UBR4: variants seen among roughly 807,000 people sequenced by gnomAD.
UBR4 encodes E3 ubiquitin-protein ligase UBR4.
Under a neutral mutation model 575.6 loss-of-function variants are expected in UBR4, and 124 were observed. The ratio of observed to expected loss-of-function variants is 0.22; its 90% CI spans 0.19 to 0.25. The LOEUF is 0.25. Among genes scored for constraint, UBR4 ranks in the 10% least tolerant of loss-of-function variants. The probability of loss-of-function intolerance (pLI) is 1.00; values close to 1 mark genes in which losing one functional copy is unlikely to be tolerated. For synonymous variants in UBR4, 2,455 were observed against 2,473.7 expected, an observed-to-expected ratio of 0.99 and a Z score of 0.22; for missense variants, 4,818 against 6,478.8, an observed-to-expected ratio of 0.74 and a Z score of 8.80.
chr1:19,153,910 G>A lies in UBR4; in HGVS notation c.6488C>T (p.Ala2163Val). Residue 2163 changes from alanine to valine, a missense_variant, in exon 45 of 106, where the codon GCT becomes GTT. Coordinates refer to ENST00000375254, the MANE Select transcript of UBR4 (RefSeq NM_020765.3). This position sits in a 1 kb window ranked among gnomAD's most constrained non-coding sequence, Gnocchi z 4.1. The part of the protein sequence containing the change: ...SSNGGSKTSP[A>V]LCQWSEVMNH... Reference sequence around the variant, plus strand: ...CATCACCTCAGACCACTGGCAAAGAGCAGGAGAAGTCTTACTGCCACCATT... The same window carrying A: ...CATCACCTCAGACCACTGGCAAAGAACAGGAGAAGTCTTACTGCCACCATT... 6.2e-7 allele frequency: 1 copy of A among 1,614,052 alleles called. No individual in the cohort carries two copies. Among genetic ancestry groups the A allele is most frequent in the Non-Finnish European group, 8.5e-7 (1 of 1,179,992 alleles).
At chr1:19,159,483 A>G (rs2086950762) in intron 39 of UBR4, among the ~76,000 whole-genome samples, 1 of 152,158 alleles carries the variant, frequency 6.6e-6, no homozygotes, top group Admixed American at 6.5e-5. Flanking sequence ...TTCTCTAACT[A>G]TTCTAATTGC....
chr1:19,185,500 T>C (rs138666581), intron 14 of UBR4, among the ~76,000 whole-genome samples: 259 of 151,844 alleles, frequency 1.7e-3, no homozygotes, highest in African/African-American at 5.6e-3. Context: ...AATGTTTGGA[T>C]AGATTCAACC....
rs772462401 is a variant in UBR4 at position 19,105,192 on chromosome 1, GCCA to G, written c.12504-6_12504-4del. On this transcript the variant is annotated splice_polypyrimidine_tract_variant and splice_region_variant and intron_variant, in intron 84 of 105. Coordinates refer to ENST00000375254, the MANE Select transcript of UBR4 (RefSeq NM_020765.3). Reference sequence around the variant, plus strand: ...CTATGCTCAGCTCATCCAGGTAACTGCCACCAAGAGGGACAGGGCACTCTAGTC... The same window carrying G: ...CTATGCTCAGCTCATCCAGGTAACTGCCAAGAGGGACAGGGCACTCTAGTC... The G allele has an allele frequency of 8.7e-6, 14 of 1,610,642 alleles. No individual in the cohort carries two copies. The African/African-American group carries it at 1.7e-4, about 20-fold the overall frequency.
At position 19,086,237 on chromosome 1, in the gene UBR4, G is replaced by T. The variant is rs373288538; in HGVS notation, c.14721C>A (p.Ala4907=). 1.2e-6 allele frequency: 2 copies of T among 1,609,324 alleles called. No individual in the cohort carries two copies. The highest frequency in any genetic ancestry group is 2.2e-5 in the South Asian group (2 of 90,968). ...LARGREEWES[A]ALQNANTKCN... ...ACTTGGTGTTGGCATTCTGCAGGGC[G>T]GCACTCTCCCACTCTTCCCGGCCTC... Residue 4907 remains alanine, a synonymous_variant, in exon 101 of 106, where the codon GCC becomes GCA. Coordinates refer to ENST00000375254, the MANE Select transcript of UBR4 (RefSeq NM_020765.3).
chr1:19,167,297 A>G, intron 28 of UBR4, 66 bp from the exon 29 acceptor site: 1 of 1,563,988 alleles, frequency 6.4e-7, no homozygotes, highest in East Asian at 2.3e-5. Context: ...AAGCAAGGAC[A>G]GGGTAATTCA....
In UBR4 at chr1:19,110,331, AC is replaced by A. The variant is rs1264355283; in HGVS notation, c.11977+48del. The A allele has an allele frequency of 6.2e-7, 1 of 1,613,642 alleles. No homozygotes were observed. Among genetic ancestry groups the A allele is most frequent in the East Asian group, 2.2e-5 (1 of 44,856 alleles). Reference sequence around the variant, plus strand: ...CTCCTCCCCTCCCAGTCCGGCCAGGACTGCTCCTTTGAGCCTCCTTTCCTTT... The same window carrying A: ...CTCCTCCCCTCCCAGTCCGGCCAGGATGCTCCTTTGAGCCTCCTTTCCTTT... On this transcript the variant is annotated intron_variant, in intron 80 of 105. Transcript: ENST00000375254. The surrounding 1 kb of genome is among the most constrained non-coding windows in gnomAD (Gnocchi z 4.5).
chr1:19,115,256 AC>A lies in UBR4; in HGVS notation c.11063+141del, dbSNP rs1289506183. 4.5e-4 allele frequency: 566 copies of A among 1,270,180 alleles called. 2 individuals carry two copies. Among genetic ancestry groups the A allele is most frequent in the Admixed American group, 1.6e-4 (6 of 37,128 alleles). The allele number at this position is 1,270,180 out of a possible 1,614,324, so 78.7% of individuals were successfully genotyped here. A position where few individuals can be genotyped will look rare whatever the true frequency, so the allele number is the denominator to read the frequency against. On this transcript the variant is annotated intron_variant, in intron 74 of 105. Transcript: ENST00000375254. ...TCTCTCTTCTTCCTCCTCCCTTTCT[AC>A]CCTTGAACCCACTCTACAAACCCAT...
At chr1:19,198,393 T>TTA in intron 5 of UBR4, 148 bp downstream of exon 5, 2 of 1,182,284 alleles carry the variant, frequency 1.7e-6, no homozygotes, top group South Asian at 3.4e-5. Flanking sequence ...ATTTTACTTG[T>TTA]TTTATTTTGT....
chr1:19,174,493 T>C lies in UBR4; in HGVS notation c.2854-46A>G, dbSNP rs1414141083. 2.5e-6 allele frequency: 4 copies of C among 1,594,068 alleles called. No homozygotes were observed. The African/African-American group carries it at 5.4e-5, about 21-fold the overall frequency. On this transcript the variant is annotated intron_variant, in intron 21 of 105. Coordinates refer to ENST00000375254, the MANE Select transcript of UBR4 (RefSeq NM_020765.3). The stretch of plus-strand genomic sequence containing the variant: ...GAGTCATTTCCTTACTTTTAAAGTA[T>C]TTTTTCCTACTGCCTATACACTATC...
Position 19,169,504 on chromosome 1 carries a change from C to T in UBR4, c.3672G>A (p.Ser1224=), listed in dbSNP as rs570121725. The change falls in exon 27 of 106, where the codon TCG becomes TCA. Residue 1224 remains serine, a synonymous_variant. Transcript: ENST00000375254. ...AGGACTCACACACAGTCTGCACTGACGATGGCAAATTCTGAACCAGTGTCG... is the reference window on the plus strand; with the variant it reads ...AGGACTCACACACAGTCTGCACTGATGATGGCAAATTCTGAACCAGTGTCG... ...LGPTLVQNLP[S]SVQTVCESWN... The T allele has an allele frequency of 5.7e-5, 92 of 1,613,750 alleles. 3 individuals carry two copies. In the East Asian group the frequency reaches 1.4e-3, roughly 24 times the overall value.
intron 42 of UBR4, among the ~76,000 whole-genome samples, 188 bp downstream of exon 42, chr1:19,156,083 C>T (rs2086411685): frequency 6.6e-6 from 1 of 152,160 alleles, no homozygotes; most frequent in Non-Finnish European, 1.5e-5. Context: ...ATGATCACAG[C>T]TCACTGCACC....
chr1:19,200,554 A>G (rs1242991838), intron 2 of UBR4, among the ~76,000 whole-genome samples: 1 of 152,084 alleles, frequency 6.6e-6, no homozygotes, highest in African/African-American at 2.4e-5. Flanking sequence ...GTTTGAGACC[A>G]GCTTGGGCCA....
intron 90 of UBR4, among the ~76,000 whole-genome samples, chr1:19,098,668 C>T (rs747132383): frequency 7.9e-5 from 12 of 152,212 alleles, no homozygotes; most frequent in African/African-American, 2.7e-4. Flanking sequence ...AGTAGACCAA[C>T]AGTCAACAGT....
intron 89 of UBR4, chr1:19,099,982 C>T: frequency 2.3e-6 from 1 of 443,838 alleles, no homozygotes; most frequent in South Asian, 3.5e-5. Flanking sequence ...ATGTCAGACC[C>T]TCAACGGTCT....
chr1:19,170,777 T>C lies in UBR4; in HGVS notation c.3628A>G (p.Lys1210Glu). The C allele has an allele frequency of 6.2e-7, 1 of 1,614,218 alleles. No homozygotes were observed. Among genetic ancestry groups the C allele is most frequent in the Non-Finnish European group, 8.5e-7 (1 of 1,180,024 alleles). ...AVLAIGSSRC[K>E]ANTLGPTLVQ... ...GTTCTCTTACCCAGAGTATTTGCCT[T>C]GCACCTGCTAGAGCCAATAGCCAAA... Residue 1210 changes from lysine (K) to glutamate (E), a missense_variant, in exon 26 of 106, where the codon AAG becomes GAG. Coordinates refer to ENST00000375254, the MANE Select transcript of UBR4 (RefSeq NM_020765.3).
In UBR4 at chr1:19,100,656, G is replaced by A. The variant is rs2078530681; in HGVS notation, c.13024-83C>T. 8 of 1,374,102 alleles carry A rather than the reference G, an allele frequency of 5.8e-6. No homozygotes were observed. The highest frequency in any genetic ancestry group is 1.4e-5 in the African/African-American group (1 of 69,888). The allele number at this position is 1,374,102 out of a possible 1,614,324, so 85.1% of individuals were successfully genotyped here. A position where few individuals can be genotyped will look rare whatever the true frequency, so the allele number is the denominator to read the frequency against. On this transcript the variant is annotated intron_variant, in intron 88 of 105. Transcript: ENST00000375254. The surrounding 1 kb of genome is among the most constrained non-coding windows in gnomAD (Gnocchi z 4.2). ...ATGCTACCTTGTTCCATGGACACTC[G>A]AGGAAAACACACCAAACTCAGCAAG...
chr1:19,177,668 G>C lies in UBR4; in HGVS notation c.2430C>G (p.His810Gln). ...GGAAAATGAGGAGGAGCATCTGCAG[G>C]TGTTCTACATTCAGATCCTCTGTCT... ...PSETEDLNVE[H>Q]LQMLLLIFHN... is the part of the protein sequence containing the mutation. Residue 810 changes from histidine to glutamine, a missense_variant, in exon 19 of 106, where the codon CAC becomes CAG. Physicochemically the swap from His to Gln is conservative, Grantham distance 24. Coordinates refer to ENST00000375254, the MANE Select transcript of UBR4 (RefSeq NM_020765.3). 1 of 1,614,076 alleles carries C rather than the reference G, an allele frequency of 6.2e-7. No homozygotes were observed. The highest frequency in any genetic ancestry group is 8.5e-7 in the Non-Finnish European group (1 of 1,180,002).
At chr1:19,077,777 A>C (rs1346042911) in intron 104 of UBR4, 199 bp downstream of exon 104, 6 of 1,514,050 alleles carry the variant, frequency 4.0e-6, no homozygotes, top group Middle Eastern at 2.0e-4. Flanking sequence ...CAAACAAAAC[A>C]AATGTACCTC....
At chr1:19,201,922 T>C in intron 1 of UBR4, 107 bp from the exon 2 acceptor site, 1 of 936,818 alleles carries the variant, frequency 1.1e-6, no homozygotes, top group East Asian at 2.9e-5. Flanking sequence ...TGGTAGATAG[T>C]ATCATCAACC....
Sources: gnomAD v4.1 joint callset for allele counts (sites outside exome capture counted in the v4.1 genomes callset) on GRCh38, gnomAD v4.1.1 for gene constraint, Gnocchi (gnomAD v3.1) non-coding constraint, MANE v1.5 for transcripts, NCBI Gene and HGNC (gene_info 2026-07-23, HGNC 2026-07-21) for gene names.